DLG2: variants seen among roughly 807,000 people sequenced by gnomAD.
DLG2 encodes discs large MAGUK scaffold protein 2, also known as disks large homolog 2.
Under a neutral mutation model 132.5 loss-of-function variants are expected in DLG2, and 45 were observed. The observed-to-expected ratio is 0.34, with a 90% CI of 0.27 to 0.44. The LOEUF (loss-of-function observed/expected upper bound fraction) is 0.44. DLG2 is among the 20% of genes least tolerant of loss of function. The pLI, the probability that DLG2 is intolerant of heterozygous loss-of-function variation, is 1.00. For synonymous variants in DLG2, 424 were observed against 419.6 expected (o/e 1.01, Z -0.13); for missense variants, 1,045 against 1,196.9 (o/e 0.87, Z 1.87).
At chr11:84,347,764 C>T (rs2098545554) in intron 7 of DLG2, among the ~76,000 whole-genome samples, 1 of 152,248 alleles carries the variant, frequency 6.6e-6, no homozygotes, top group Admixed American at 6.5e-5. Flanking sequence ...GATGTCAGCC[C>T]TGATATAATG....
At chr11:84,856,980 T>A (rs10501575) in intron 6 of DLG2, among the ~76,000 whole-genome samples, 3 of 151,726 alleles carry the variant, frequency 2.0e-5, no homozygotes, top group African/African-American at 7.3e-5. Context: ...AAGAGATCAT[T>A]TCTATAGGAG....
At chr11:85,493,557 T>C (rs1461667089) in intron 3 of DLG2, among the ~76,000 whole-genome samples, 2 of 151,994 alleles carry the variant, frequency 1.3e-5, no homozygotes, top group Admixed American at 6.6e-5. Flanking sequence ...TAACAACTAC[T>C]TGGGAGTTGT....
intron 11 of DLG2, among the ~76,000 whole-genome samples, chr11:84,022,766 A>C (rs1322305972): frequency 6.6e-6 from 1 of 152,050 alleles, no homozygotes; most frequent in Non-Finnish European, 1.5e-5. Context: ...TGGGAAGTAG[A>C]CTGCAAAACA....
rs182143890 is a variant in DLG2 at position 84,700,278 on chromosome 11, T to C, written c.358-165547A>G. ...TAATTTGGAGTACACTGAAATCAAA[T>C]AGGAGTGTCCAGTTCAGCCAACCTC... On this transcript the variant is annotated intron_variant, in intron 6 of 27. Transcript: ENST00000376104. Among the ~76,000 whole-genome samples, 9 of 151,594 alleles carry C rather than the reference T, an allele frequency of 5.9e-5. No individual in the cohort carries two copies. The East Asian group carries it at 1.4e-3, about 23-fold the overall frequency.
At chr11:84,207,114 C>G (rs921914266) in intron 8 of DLG2, among the ~76,000 whole-genome samples, 6 of 151,144 alleles carry the variant, frequency 4.0e-5, no homozygotes, top group African/African-American at 1.5e-4. Context: ...TATGACTACT[C>G]CTACACTGAA....
chr11:83,809,846 C>A (rs988524334), intron 17 of DLG2, among the ~76,000 whole-genome samples: 1 of 151,996 alleles, frequency 6.6e-6, no homozygotes, highest in Non-Finnish European at 1.5e-5. Flanking sequence ...GATGTGAAAA[C>A]CATGAATATT....
intron 15 of DLG2, among the ~76,000 whole-genome samples, chr11:83,918,053 G>A (rs1471790480): frequency 1.3e-5 from 2 of 152,192 alleles, no homozygotes; most frequent in African/African-American, 4.8e-5. Context: ...GTAATAATGT[G>A]AGAAGGCAGA....
At chr11:83,907,792 A>T (rs809844) in intron 15 of DLG2, among the ~76,000 whole-genome samples, 1 of 152,172 alleles carries the variant, frequency 6.6e-6, no homozygotes, top group East Asian at 1.9e-4. Flanking sequence ...CCTGCCCTGG[A>T]ATTTAAGGCC....
chr11:84,373,496 G>A (rs2098717358), intron 7 of DLG2, among the ~76,000 whole-genome samples: 2 of 151,970 alleles, frequency 1.3e-5, no homozygotes, highest in Non-Finnish European at 2.9e-5. Flanking sequence ...CTTGAACCTG[G>A]GAAGCAGAGG....
intron 15 of DLG2, among the ~76,000 whole-genome samples, chr11:83,902,978 T>G (rs74410121): frequency 2.5e-3 from 384 of 152,266 alleles, no homozygotes; most frequent in African/African-American, 8.9e-3. Flanking sequence ...TCCATTGCCA[T>G]TGTTCTATGA....
chr11:83,709,465 A>G (rs1035056348), intron 18 of DLG2, among the ~76,000 whole-genome samples: 5 of 151,784 alleles, frequency 3.3e-5, no homozygotes, highest in African/African-American at 1.2e-4. Context: ...TTTCTGGCCA[A>G]CTAATCTGGG....
At chr11:84,559,339 G>A (rs2099418482) in intron 6 of DLG2, among the ~76,000 whole-genome samples, 1 of 152,004 alleles carries the variant, frequency 6.6e-6, no homozygotes, top group African/African-American at 2.4e-5. Context: ...GGGGACCTAG[G>A]GAGATGGCAT....
intron 5 of DLG2, among the ~76,000 whole-genome samples, chr11:85,120,851 C>T (rs2074223670): frequency 6.6e-6 from 1 of 151,936 alleles, no homozygotes; most frequent in Admixed American, 6.6e-5. Flanking sequence ...TACATTGCTG[C>T]TTGGTAAAGT....
rs577038310 is a variant in DLG2, at chr11:84,759,914, A to G, written c.358-225183T>C. On this transcript the variant is annotated intron_variant, in intron 6 of 27. Transcript: ENST00000376104. ...CTTGTAGTAACTATGGTATCGGTGG[A>G]ATTACACCTGTAACAAGCATATAAT... Among the ~76,000 whole-genome samples the G allele has an allele frequency of 3.9e-5, 6 of 152,264 alleles. No homozygotes were observed. The East Asian group carries it at 9.7e-4, about 25-fold the overall frequency.
chr11:85,192,701 T>C (rs908848743), intron 4 of DLG2, among the ~76,000 whole-genome samples: 8 of 152,214 alleles, frequency 5.3e-5, no homozygotes, highest in Non-Finnish European at 2.9e-5. Context: ...TCCTATTACT[T>C]TTGCCTTTGA....
chr11:85,205,159 T>G (rs907534419), intron 4 of DLG2, among the ~76,000 whole-genome samples: 29 of 147,000 alleles, frequency 2.0e-4, no homozygotes, highest in African/African-American at 5.5e-4. Context: ...TATATATATA[T>G]ATATAGATAT....
At chr11:84,716,835 A>G (rs764292400) in intron 6 of DLG2, among the ~76,000 whole-genome samples, 3 of 151,974 alleles carry the variant, frequency 2.0e-5, no homozygotes, top group Non-Finnish European at 4.4e-5. Flanking sequence ...GTATTTTAAT[A>G]AAAGAAGTGG....
chr11:83,519,554 G>A (rs1346330447), intron 21 of DLG2, among the ~76,000 whole-genome samples: 1 of 152,050 alleles, frequency 6.6e-6, no homozygotes, highest in Non-Finnish European at 1.5e-5. Flanking sequence ...TTTAAAAGGG[G>A]ACCCTATATT....
At chr11:85,186,160 A>G (rs1231381533) in intron 4 of DLG2, among the ~76,000 whole-genome samples, 2 of 151,988 alleles carry the variant, frequency 1.3e-5, no homozygotes, top group African/African-American at 4.8e-5. Context: ...TAGAGACATA[A>G]TATGAACCAC....
Sources: allele counts gnomAD v4.1 joint callset (sites outside exome capture counted in the v4.1 genomes callset), GRCh38; gene constraint gnomAD v4.1.1; transcripts MANE v1.5; gene names NCBI Gene and HGNC (gene_info 2026-07-23, HGNC 2026-07-21).